Variants in HMBOX1 observed in about 807,000 individuals in gnomAD.
HMBOX1 encodes homeobox-containing protein 1.
Under a neutral mutation model 54.5 loss-of-function variants are expected in HMBOX1, and 14 were observed. That is an observed-to-expected ratio of 0.26 (90% CI 0.17 to 0.40). HMBOX1 has a LOEUF of 0.40. Ranked by LOEUF, HMBOX1 falls within the 10% of genes least tolerant of loss-of-function variation. The pLI is 1.00. For synonymous variants in HMBOX1, 160 were observed against 181.0 expected (o/e 0.88, Z 0.93); for missense variants, 332 against 514.4 (o/e 0.65, Z 3.43).
At chr8:29,012,419 G>C (rs1834342881) in intron 5 of HMBOX1, among the ~76,000 whole-genome samples, 1 of 152,088 alleles carries the variant, frequency 6.6e-6, no homozygotes, top group East Asian at 1.9e-4. Context: ...GGAATCTTAT[G>C]GAGCCATATA....
chr8:28,990,679 G>A (rs562537225), intron 4 of HMBOX1, among the ~76,000 whole-genome samples: 7 of 151,354 alleles, frequency 4.6e-5, no homozygotes, highest in South Asian at 2.1e-4. Flanking sequence ...TTTTTCAGAC[G>A]GTGTCTTGCT....
rs149048320 is a variant in HMBOX1 at position 29,005,786 on chromosome 8, G to A, written c.587-3286G>A. 3.2e-3 allele frequency among the ~76,000 whole-genome samples: 483 copies of A among 152,034 alleles called. 3 individuals carry two copies. Among genetic ancestry groups the A allele is most frequent in the Non-Finnish European group, 4.3e-3 (293 of 67,996 alleles). On this transcript the variant is annotated intron_variant, in intron 4 of 9. Coordinates refer to ENST00000287701, the MANE Select transcript of HMBOX1 (RefSeq NM_001135726.3). ...TGATTTCCATCGCTATAGATTAGTCGTATCTGTTTTATAACTTTATTTAAA... is the reference window on the plus strand; with the variant it reads ...TGATTTCCATCGCTATAGATTAGTCATATCTGTTTTATAACTTTATTTAAA...
chr8:28,960,294 T>C (rs1416706271), intron 1 of HMBOX1, among the ~76,000 whole-genome samples: 3 of 144,346 alleles, frequency 2.1e-5, no homozygotes, highest in African/African-American at 8.8e-5. Flanking sequence ...ATTGTTATGT[T>C]GGTCATAATT....
chr8:28,978,709 C>T (rs1828838298), intron 3 of HMBOX1, among the ~76,000 whole-genome samples: 1 of 151,476 alleles, frequency 6.6e-6, no homozygotes, highest in Non-Finnish European at 1.5e-5. Flanking sequence ...ATTGCTTGCG[C>T]CCGGTAGGTG....
chr8:28,970,294 C>T lies in HMBOX1; in HGVS notation c.275C>T (p.Thr92Met), dbSNP rs1827166183. ...TCTACAGCTACAGCTTCCACACAGA[C>T]GCAGCATTCGGGAATGTCCCCGTCA... is the stretch of plus-strand genomic sequence containing the variant. ...SSSTATASTQTQHSGMSPSPS... is the reference protein window; with the variant it reads ...SSSTATASTQMQHSGMSPSPS... Residue 92 changes from threonine (T) to methionine (M), a missense_variant, in exon 3 of 10, where the codon ACG (threonine) becomes ATG (methionine). Around this residue, in one of 4 missense-constraint regions of HMBOX1, gnomAD observed 146 missense variants for 173.3 expected, o/e 0.84. Coordinates refer to ENST00000287701, the MANE Select transcript of HMBOX1 (RefSeq NM_001135726.3). The surrounding 1 kb of genome is among the most constrained non-coding windows in gnomAD (Gnocchi z 4.3). 3 of 1,614,138 alleles carry T rather than the reference C, an allele frequency of 1.9e-6. No individual in the cohort carries two copies. Among genetic ancestry groups the T allele is most frequent in the Non-Finnish European group, 1.7e-6 (2 of 1,179,998 alleles).
rs147426593 is a variant in HMBOX1 at position 28,947,636 on chromosome 8, A to G, written c.-57-16175A>G. On this transcript the variant is annotated intron_variant, in intron 1 of 9. Transcript: ENST00000287701. ...ATTATCAGAAATTCTACCGTTAGCA[A>G]TTCATGCTAAATCTCTTGTTAAATT... is the stretch of plus-strand genomic sequence containing the variant. Among the ~76,000 whole-genome samples, 497 of 152,310 alleles carry G rather than the reference A, an allele frequency of 3.3e-3. 7 individuals are homozygous for G. The highest frequency in any genetic ancestry group is 0.011 in the African/African-American group (463 of 41,558).
At chr8:28,923,774 T>C (rs1297401273) in intron 1 of HMBOX1, among the ~76,000 whole-genome samples, 1 of 152,194 alleles carries the variant, frequency 6.6e-6, no homozygotes, top group Non-Finnish European at 1.5e-5. Flanking sequence ...CATTTTTTTC[T>C]TTTGTATTTT....
intron 6 of HMBOX1, among the ~76,000 whole-genome samples, chr8:29,043,872 T>C (rs914431189): frequency 1.1e-4 from 16 of 152,148 alleles, no homozygotes; most frequent in Non-Finnish European, 2.1e-4. Context: ...ATCCTCCGTA[T>C]GAACACTGGA....
chr8:29,045,573 A>C (rs1433665344), intron 7 of HMBOX1, 130 bp downstream of exon 7: 5 of 706,168 alleles, frequency 7.1e-6, no homozygotes, highest in Non-Finnish European at 1.2e-5. Context: ...ATCCTTCCGC[A>C]GGTGGCCAGT....
chr8:28,982,829 G>A (rs1420005715), intron 4 of HMBOX1, among the ~76,000 whole-genome samples: 4 of 151,932 alleles, frequency 2.6e-5, no homozygotes, highest in Admixed American at 1.3e-4. Flanking sequence ...TCACCATATC[G>A]GCCAGGCTGG....
chr8:29,014,824 C>A (rs973306441), intron 5 of HMBOX1, among the ~76,000 whole-genome samples: 1 of 152,026 alleles, frequency 6.6e-6, no homozygotes, highest in Non-Finnish European at 1.5e-5. Context: ...GGATTACAGG[C>A]GTGTGCCACC....
chr8:28,900,503 C>A (rs1383927142), intron 1 of HMBOX1, among the ~76,000 whole-genome samples: 1 of 151,738 alleles, frequency 6.6e-6, no homozygotes, highest in East Asian at 1.9e-4. Flanking sequence ...TGTTTCTTTC[C>A]TGATATTTGC....
At chr8:28,967,367 A>G (rs891059501) in intron 2 of HMBOX1, among the ~76,000 whole-genome samples, 8 of 152,228 alleles carry the variant, frequency 5.3e-5, no homozygotes, top group Admixed American at 6.5e-5. Flanking sequence ...ATGACACAAA[A>G]TATTAGATTG....
intron 2 of HMBOX1, among the ~76,000 whole-genome samples, chr8:28,966,887 G>A (rs1335984798): frequency 6.6e-6 from 1 of 152,168 alleles, no homozygotes; most frequent in East Asian, 1.9e-4. Flanking sequence ...CATCTAATTT[G>A]AACAAGGTGA....
intron 3 of HMBOX1, among the ~76,000 whole-genome samples, chr8:28,973,599 G>T (rs1214226124): frequency 6.6e-6 from 1 of 151,920 alleles, no homozygotes; most frequent in Non-Finnish European, 1.5e-5. Context: ...AGATGCTATG[G>T]TGATATGATA....
intron 6 of HMBOX1, among the ~76,000 whole-genome samples, chr8:29,039,068 C>A (rs1804410186): frequency 6.6e-6 from 1 of 152,174 alleles, no homozygotes; most frequent in African/African-American, 2.4e-5. Context: ...TTCTTCAAGA[C>A]CCTGCCCAAG....
intron 6 of HMBOX1, among the ~76,000 whole-genome samples, chr8:29,019,839 C>G (rs893143379): frequency 3.9e-5 from 6 of 152,188 alleles, no homozygotes; most frequent in African/African-American, 1.4e-4. Flanking sequence ...TCATGAACTT[C>G]ACTACCTGAA....
In HMBOX1 at chr8:28,963,801, T is replaced by C. The variant is rs1009654718; in HGVS notation, c.-57-10T>C. 4.6e-6 allele frequency: 6 copies of C among 1,291,844 alleles called. No individual in the cohort carries two copies. Among genetic ancestry groups the C allele is most frequent in the Non-Finnish European group, 6.5e-6 (6 of 924,616 alleles). The allele number at this position is 1,291,844 out of a possible 1,614,324, so 80.0% of individuals were successfully genotyped here. ...TAAATGTTTCTCAATTTTCTATCTT[T>C]GTTCTACAGAATGGTAGATAACGCA... is the stretch of plus-strand genomic sequence containing the variant. On this transcript the variant is annotated splice_polypyrimidine_tract_variant and intron_variant, in intron 1 of 9. Coordinates refer to ENST00000287701, the MANE Select transcript of HMBOX1 (RefSeq NM_001135726.3).
chr8:28,942,060 C>T (rs1233546947), intron 1 of HMBOX1, among the ~76,000 whole-genome samples: 1 of 152,184 alleles, frequency 6.6e-6, no homozygotes, highest in African/African-American at 2.4e-5. Context: ...CTACTGGGTC[C>T]TCTGTGAGGG....
Sources: gnomAD v4.1 joint callset for allele counts (sites outside exome capture counted in the v4.1 genomes callset) on GRCh38, gnomAD v4.1.1 for gene constraint, gnomAD v4.1.1 regional missense constraint, Gnocchi (gnomAD v3.1) non-coding constraint, MANE v1.5 for transcripts, NCBI Gene and HGNC (gene_info 2026-07-23, HGNC 2026-07-21) for gene names.